Variants in FRMD6 observed in about 807,000 individuals in gnomAD.
The protein encoded by FRMD6 is FERM domain-containing protein 6.
A neutral mutation model predicts 73.2 loss-of-function variants in FRMD6; 37 were observed. The observed-to-expected ratio is 0.51, with a 90% CI of 0.39 to 0.66. The LOEUF (loss-of-function observed/expected upper bound fraction) is 0.66. Among genes scored for constraint, FRMD6 ranks in the 30% least tolerant of loss-of-function variants. FRMD6 has a pLI of 0.00. For synonymous variants in FRMD6, 273 were observed against 282.2 expected (o/e 0.97, Z 0.33); for missense variants, 714 against 780.5 (o/e 0.91, Z 1.02).
At position 51,728,085 on chromosome 14, in the gene FRMD6, G is replaced by A; in HGVS notation, c.*56G>A. ...TTACTGTTTGCTAGAGGATGCGAAAGTCATAAGTTCTTTACATATTACTTG... is the reference window on the plus strand; with the variant it reads ...TTACTGTTTGCTAGAGGATGCGAAAATCATAAGTTCTTTACATATTACTTG... On this transcript the variant is annotated 3_prime_UTR_variant, in exon 14 of 14. Transcript: ENST00000344768. The A allele has an allele frequency of 6.6e-7, 1 of 1,509,772 alleles. No individual in the cohort carries two copies. Among genetic ancestry groups the A allele is most frequent in the Non-Finnish European group, 9.0e-7 (1 of 1,110,698 alleles). The allele number at this position is 1,509,772 out of a possible 1,614,324, so 93.5% of individuals were successfully genotyped here. A position where few individuals can be genotyped will look rare whatever the true frequency, so the allele number is the denominator to read the frequency against.
At chr14:51,723,597 G>C (rs1028453590) in intron 12 of FRMD6, among the ~76,000 whole-genome samples, 1 of 151,552 alleles carries the variant, frequency 6.6e-6, no homozygotes, top group Non-Finnish European at 1.5e-5. Flanking sequence ...CCTGGCCAAC[G>C]TGGTGAAACC....
At chr14:51,412,023 T>C in the FRMD6 span, among the ~76,000 whole-genome samples, 1 of 152,194 alleles carries the variant, frequency 6.6e-6, no homozygotes, top group East Asian at 1.9e-4. Context: ...TAAAAAGTAG[T>C]CTGTTAAAGT....
At chr14:51,439,307 A>AT in the FRMD6 span, among the ~76,000 whole-genome samples, 134 of 152,262 alleles carry the variant, frequency 8.8e-4, no homozygotes, top group African/African-American at 3.1e-3. Context: ...GAACATAAAG[A>AT]TTTTTTGGGG....
intron 1 of FRMD6, among the ~76,000 whole-genome samples, chr14:51,685,510 A>C (rs893143545): frequency 6.6e-6 from 1 of 152,232 alleles, no homozygotes; most frequent in Non-Finnish European, 1.5e-5. Context: ...ACAGGTGTTG[A>C]ATGAAAGAAT....
chr14:51,634,530 T>G (rs1199290612), intron 2 of FRMD6, among the ~76,000 whole-genome samples: 1 of 152,154 alleles, frequency 6.6e-6, no homozygotes, highest in Non-Finnish European at 1.5e-5. Flanking sequence ...CTGACCCCTT[T>G]GTAGGAAATG....
At chr14:51,517,891 C>T (rs530050322) in intron 1 of FRMD6, among the ~76,000 whole-genome samples, 30 of 152,140 alleles carry the variant, frequency 2.0e-4, no homozygotes, top group Non-Finnish European at 4.1e-4. Flanking sequence ...CTTCAGTCCT[C>T]CCTCCCAAGT....
rs1898184217 is a variant in FRMD6, at chr14:51,730,151, T to A, written c.*2122T>A. ...AAAAGACATATTTAAGAAAGAAAGA[T>A]AAAGAAAAAACATATTTAATTACTG... is the stretch of plus-strand genomic sequence containing the variant. On this transcript the variant is annotated 3_prime_UTR_variant, in exon 14 of 14. Transcript: ENST00000344768. The A allele has an allele frequency of 6.6e-6, 1 of 152,152 alleles. No homozygotes were observed. Among genetic ancestry groups the A allele is most frequent in the Non-Finnish European group, 1.5e-5 (1 of 68,012 alleles). 9.4% of individuals were successfully genotyped at this position (152,152 alleles called of 1,614,324 possible). A position where few individuals can be genotyped will look rare whatever the true frequency, so the allele number is the denominator to read the frequency against.
intron 1 of FRMD6, among the ~76,000 whole-genome samples, chr14:51,526,947 C>T (rs1885287243): frequency 6.6e-6 from 1 of 152,198 alleles, no homozygotes; most frequent in South Asian, 2.1e-4. Context: ...TTACTAAATA[C>T]CTGGCAAGAA....
At chr14:51,577,888 A>G (rs1888492415) in intron 2 of FRMD6, among the ~76,000 whole-genome samples, 1 of 152,172 alleles carries the variant, frequency 6.6e-6, no homozygotes, top group Admixed American at 6.5e-5. Flanking sequence ...TTTCTTAACT[A>G]CATAACTTGG....
chr14:51,496,831 G>A (rs542236148), intron 1 of FRMD6, among the ~76,000 whole-genome samples: 2 of 152,130 alleles, frequency 1.3e-5, no homozygotes, highest in Admixed American at 6.6e-5. Flanking sequence ...ATCTTTATGT[G>A]TGTCTTAATG....
the FRMD6 span, among the ~76,000 whole-genome samples, chr14:51,432,415 G>A: frequency 6.6e-6 from 1 of 152,046 alleles, no homozygotes; most frequent in Non-Finnish European, 1.5e-5. Flanking sequence ...TTTGCAAACA[G>A]GTAGAGGAAT....
the FRMD6 span, among the ~76,000 whole-genome samples, chr14:51,459,813 C>T: frequency 0.094 from 7,933 of 84,702 alleles, 431 homozygotes; most frequent in Admixed American, 0.3. Flanking sequence ...GGCGACAGAG[C>T]AAGACTCCAT....
intron 1 of FRMD6, among the ~76,000 whole-genome samples, chr14:51,491,968 T>C (rs1221409400): frequency 6.6e-6 from 1 of 152,206 alleles, no homozygotes; most frequent in Non-Finnish European, 1.5e-5. Flanking sequence ...CGTGCCTCCC[T>C]TTGAGGTCTG....
the FRMD6 span, among the ~76,000 whole-genome samples, chr14:51,414,154 T>C: frequency 6.6e-6 from 1 of 152,240 alleles, no homozygotes; most frequent in East Asian, 1.9e-4. Flanking sequence ...GCTCTTTAGT[T>C]TAATTAGATC....
At chr14:51,526,250 C>T (rs978508384) in intron 1 of FRMD6, among the ~76,000 whole-genome samples, 1 of 152,162 alleles carries the variant, frequency 6.6e-6, no homozygotes, top group African/African-American at 2.4e-5. Flanking sequence ...AAAGGTGGAG[C>T]AAGTACTGTC....
At chr14:51,484,260 G>A (rs924724161), upstream of FRMD6, among the ~76,000 whole-genome samples, 2 of 152,212 alleles carry the variant, frequency 1.3e-5, no homozygotes, top group African/African-American at 4.8e-5. Context: ...ACCTGCCAGG[G>A]AAGCCACCTC....
intron 11 of FRMD6, 130 bp downstream of exon 11, chr14:51,720,520 C>G (rs1897493139): frequency 5.1e-6 from 4 of 778,394 alleles, no homozygotes; most frequent in Non-Finnish European, 8.4e-6. Context: ...GTCTTGTTGT[C>G]TTCCCCAATG....
At chr14:51,497,754 A>G (rs1382118047) in intron 1 of FRMD6, among the ~76,000 whole-genome samples, 1 of 152,218 alleles carries the variant, frequency 6.6e-6, no homozygotes, top group Non-Finnish European at 1.5e-5. Context: ...AAACATCTCA[A>G]TTTGGACTAG....
chr14:51,560,583 C>T (rs145801310), intron 1 of FRMD6, among the ~76,000 whole-genome samples: 12 of 152,300 alleles, frequency 7.9e-5, no homozygotes, highest in African/African-American at 2.2e-4. Context: ...CTCCTGGGTT[C>T]GAGTGATTCT....
Sources: allele counts gnomAD v4.1 joint callset (sites outside exome capture counted in the v4.1 genomes callset), GRCh38; gene constraint gnomAD v4.1.1; transcripts MANE v1.5; gene names NCBI Gene and HGNC (gene_info 2026-07-23, HGNC 2026-07-21).